PRKAR1B: variants seen among roughly 807,000 people sequenced by gnomAD.
PRKAR1B encodes protein kinase cAMP-dependent type I regulatory subunit beta.
PRKAR1B carries 22 observed loss-of-function variants against 46.5 expected under a neutral mutation model. The observed-to-expected ratio is 0.47, with a 90% confidence interval of 0.34 to 0.68. The LOEUF is 0.68. PRKAR1B is among the 30% of genes least tolerant of loss of function. PRKAR1B has a pLI of 0.01. For missense variants in PRKAR1B, 445 were observed against 535.6 expected (o/e 0.83, Z 1.67); for synonymous variants, 259 against 217.7 (o/e 1.19, Z -1.67).
At chr7:641,308 T>A (rs1326893088) in intron 4 of PRKAR1B, among the ~76,000 whole-genome samples, 1 of 152,192 alleles carries the variant, frequency 6.6e-6, no homozygotes, top group African/African-American at 2.4e-5. Context: ...CTCCTAGGAA[T>A]CTACTCCAGA....
intron 4 of PRKAR1B, among the ~76,000 whole-genome samples, chr7:628,687 T>C (rs936408335): frequency 6.6e-5 from 10 of 152,124 alleles, no homozygotes; most frequent in Non-Finnish European, 1.3e-4. Flanking sequence ...CAGACCTCAA[T>C]GTCTCAGGTG....
chr7:614,852 CCATGAG>C (rs1432059773), intron 4 of PRKAR1B, among the ~76,000 whole-genome samples: 177 of 152,208 alleles, frequency 1.2e-3, no homozygotes, highest in African/African-American at 3.9e-3. Context: ...GCGGAGGTTA[CCATGAG>C]CTGAGATCGC....
chr7:552,336 C>T (rs74221052), intron 9 of PRKAR1B, among the ~76,000 whole-genome samples: 37 of 115,860 alleles, frequency 3.2e-4, no homozygotes, highest in African/African-American at 9.1e-4. Flanking sequence ...CCCGCAGAGC[C>T]ACTGCCACCA....
Position 551,417 on chromosome 7 carries a change from C to T in PRKAR1B, c.945G>A (p.Val315=). Residue 315 remains valine, a synonymous_variant, in exon 10 of 11, where the codon GTG becomes GTA. Transcript: ENST00000537384. Reference sequence around the variant, plus strand: ...AGTAGTCAGAGGGTCCCAGGCGCCCCACCTCCACGTACTCCTCATTGGGGG... The same window carrying T: ...AGTAGTCAGAGGGTCCCAGGCGCCCTACCTCCACGTACTCCTCATTGGGGG... ...RRSPNEEYVE[V]GRLGPSDYFG... 6.4e-7 allele frequency: 1 copy of T among 1,560,232 alleles called. No individual in the cohort carries two copies. Among genetic ancestry groups the T allele is most frequent in the Non-Finnish European group, 8.7e-7 (1 of 1,151,946 alleles).
chr7:662,848 C>A (rs545457506), intron 4 of PRKAR1B, among the ~76,000 whole-genome samples: 6 of 152,216 alleles, frequency 3.9e-5, no homozygotes, highest in African/African-American at 9.7e-5. Context: ...AAGCTCCCCC[C>A]ACCACCTGGG....
At chr7:683,010 C>T (rs1055883925) in intron 2 of PRKAR1B, among the ~76,000 whole-genome samples, 3 of 152,180 alleles carry the variant, frequency 2.0e-5, no homozygotes, top group Admixed American at 6.5e-5. Context: ...CCCCACAGCT[C>T]GGGAGCTTCC....
intron 1 of PRKAR1B, chr7:726,844 A>G (rs907290309): frequency 9.1e-6 from 12 of 1,324,456 alleles, no homozygotes; most frequent in Middle Eastern, 2.9e-4. Context: ...GGAGGCCGAC[A>G]GCAAGCCGGG....
chr7:603,889 G>A (rs1196505528), intron 6 of PRKAR1B, among the ~76,000 whole-genome samples: 3 of 152,108 alleles, frequency 2.0e-5, no homozygotes, highest in Non-Finnish European at 4.4e-5. Context: ...GAGGTGACAC[G>A]GTGACACCAG....
chr7:653,018 G>C (rs965385537), intron 4 of PRKAR1B, among the ~76,000 whole-genome samples: 1 of 152,174 alleles, frequency 6.6e-6, no homozygotes, highest in South Asian at 2.1e-4. Flanking sequence ...ACCCCCAGGA[G>C]TCCCTCCACA....
upstream of PRKAR1B, chr7:727,544 A>G (rs1432123434): frequency 1.3e-5 from 3 of 237,892 alleles, no homozygotes; most frequent in Non-Finnish European, 2.3e-5. Context: ...ACGTCCCGCC[A>G]CCAACGCGCC....
intron 9 of PRKAR1B, among the ~76,000 whole-genome samples, chr7:552,733 C>A (rs966022792): frequency 6.6e-6 from 1 of 152,212 alleles, no homozygotes; most frequent in Non-Finnish European, 1.5e-5. Flanking sequence ...CGCGCTGGGA[C>A]CTTCCCTGGG....
intron 9 of PRKAR1B, among the ~76,000 whole-genome samples, chr7:575,293 T>A (rs2128439655): frequency 6.6e-6 from 1 of 152,350 alleles, no homozygotes; most frequent in Admixed American, 6.5e-5. Context: ...GGGGCTGCGC[T>A]GGCTGGGTAT....
At chr7:720,188 C>G (rs111593587) in intron 1 of PRKAR1B, among the ~76,000 whole-genome samples, 3 of 151,578 alleles carry the variant, frequency 2.0e-5, no homozygotes, top group African/African-American at 7.3e-5. Context: ...TCCAGAGTAG[C>G]TGGGATTACA....
chr7:674,077 A>G (rs878982628), intron 4 of PRKAR1B, among the ~76,000 whole-genome samples: 1 of 151,976 alleles, frequency 6.6e-6, no homozygotes, highest in Non-Finnish European at 1.5e-5. Flanking sequence ...CCCACCTCGA[A>G]TCTCACTTCA....
chr7:638,487 A>G (rs776010692), intron 4 of PRKAR1B, among the ~76,000 whole-genome samples: 3 of 152,102 alleles, frequency 2.0e-5, no homozygotes, highest in Non-Finnish European at 4.4e-5. Context: ...GGTCTCTCCT[A>G]GACACATCAC....
chr7:681,289 C>G (rs893341793), intron 2 of PRKAR1B, among the ~76,000 whole-genome samples: 1 of 141,166 alleles, frequency 7.1e-6, no homozygotes, highest in African/African-American at 2.7e-5. Context: ...TTCTTTATAG[C>G]AGTATGAAAA....
intron 2 of PRKAR1B, among the ~76,000 whole-genome samples, chr7:695,676 T>G (rs1779695053): frequency 6.6e-6 from 1 of 151,296 alleles, no homozygotes. Context: ...TTTTTGTTTT[T>G]TTTTTGAGAC....
intron 2 of PRKAR1B, among the ~76,000 whole-genome samples, chr7:695,964 CT>C (rs766921714): frequency 0.12 from 11,963 of 102,196 alleles, 277 homozygotes; most frequent in South Asian, 0.14. Context: ...GCGCCCAACC[CT>C]TTTTTTTTTT....
intron 4 of PRKAR1B, among the ~76,000 whole-genome samples, chr7:661,402 C>T (rs1336269176): frequency 1.4e-5 from 1 of 71,602 alleles, no homozygotes. Flanking sequence ...ACCTACTCTC[C>T]CCCCACCATG....
Sources: gnomAD v4.1 joint callset for allele counts (sites outside exome capture counted in the v4.1 genomes callset) on GRCh38, gnomAD v4.1.1 for gene constraint, MANE v1.5 for transcripts, NCBI Gene and HGNC (gene_info 2026-07-23, HGNC 2026-07-21) for gene names.